The following URI1 variants were observed in gnomAD, a reference collection of about 807,000 sequenced individuals.
URI1 encodes the protein URI1 prefoldin like chaperone.
In URI1, 39 loss-of-function variants were observed where a neutral mutation model predicts 60.2. The ratio of observed to expected loss-of-function variants is 0.65; its 90% confidence interval spans 0.50 to 0.85. The LOEUF (loss-of-function observed/expected upper bound fraction) is 0.85. Among genes scored for constraint, URI1 ranks in the 40% least tolerant of loss-of-function variants. The pLI, the probability that URI1 is intolerant of heterozygous loss-of-function variation, is 0.00. For synonymous variants in URI1, 251 were observed against 236.8 expected, an observed-to-expected ratio of 1.06 and a Z score of -0.55; for missense variants, 691 against 665.9, an observed-to-expected ratio of 1.04 and a Z score of -0.42.
chr19:29,964,576 T>C (rs1050211708), intron 1 of URI1, among the ~76,000 whole-genome samples: 8 of 149,718 alleles, frequency 5.3e-5, no homozygotes, highest in African/African-American at 2.0e-4. Flanking sequence ...TTTTCCTGCC[T>C]CAGCCTCCTG....
At chr19:29,997,647 G>A (rs555784973) in intron 4 of URI1, among the ~76,000 whole-genome samples, 2 of 151,940 alleles carry the variant, frequency 1.3e-5, no homozygotes, top group South Asian at 4.2e-4. Flanking sequence ...TTACTGATTT[G>A]AAGTATTTCT....
rs2055095747 is a variant in URI1, at chr19:29,945,801, C to A, written c.117+3137C>A. Among the ~76,000 whole-genome samples, 3 of 151,592 alleles carry A rather than the reference C, an allele frequency of 2.0e-5. No homozygotes were observed. In the South Asian group the frequency reaches 6.2e-4, roughly 32 times the overall value. ...TTACACATTTTACATAGGAAAACACCATTGTTTTAAAAGTACACAATTTTA... is the reference window on the plus strand; with the variant it reads ...TTACACATTTTACATAGGAAAACACAATTGTTTTAAAAGTACACAATTTTA... On this transcript the variant is annotated intron_variant, in intron 1 of 10. Transcript: ENST00000392271.
At chr19:30,010,613 G>C (rs576858090) in intron 8 of URI1, among the ~76,000 whole-genome samples, 1 of 152,256 alleles carries the variant, frequency 6.6e-6, no homozygotes, top group East Asian at 1.9e-4. Context: ...ACCCTGAACA[G>C]GCTTGGTTTT....
At chr19:29,988,501 C>T (rs527290846) in intron 4 of URI1, among the ~76,000 whole-genome samples, 36 of 152,186 alleles carry the variant, frequency 2.4e-4, no homozygotes, top group Non-Finnish European at 4.6e-4. Context: ...TCACACCCTA[C>T]GGCTGCCTAC....
At chr19:29,927,083 C>T (rs1308411783) in intron 1 of URI1, among the ~76,000 whole-genome samples, 2 of 152,074 alleles carry the variant, frequency 1.3e-5, no homozygotes, top group Admixed American at 6.6e-5. Context: ...GCAGGGAGAC[C>T]CTGCAGAGGC....
At chr19:29,957,522 A>G (rs1382210716) in intron 1 of URI1, among the ~76,000 whole-genome samples, 3 of 151,400 alleles carry the variant, frequency 2.0e-5, no homozygotes, top group African/African-American at 7.3e-5. Context: ...CCAGTATCAC[A>G]CTCTTACTAT....
At chr19:29,962,783 C>T (rs763015990) in intron 1 of URI1, among the ~76,000 whole-genome samples, 50 of 151,696 alleles carry the variant, frequency 3.3e-4, no homozygotes, top group Admixed American at 2.6e-3. Flanking sequence ...TTTAATAAAC[C>T]GTATTTCTTT....
chr19:29,944,059 A>T (rs2055065937), intron 1 of URI1, among the ~76,000 whole-genome samples: 1 of 145,754 alleles, frequency 6.9e-6, no homozygotes, highest in Non-Finnish European at 1.5e-5. Context: ...GGATCACTTG[A>T]GCTCAGGCGT....
intron 4 of URI1, among the ~76,000 whole-genome samples, chr19:29,990,619 A>T (rs1217548741): frequency 6.6e-6 from 1 of 152,244 alleles, no homozygotes. Flanking sequence ...CAGTCACAAA[A>T]GACCATATAT....
chr19:29,980,704 C>G (rs2055585042), intron 2 of URI1, among the ~76,000 whole-genome samples: 1 of 145,298 alleles, frequency 6.9e-6, no homozygotes, highest in Non-Finnish European at 1.5e-5. Context: ...GCGGGTAGAT[C>G]ACAAGGTCAG....
At chr19:30,003,792 C>CTG (rs2145427136) in intron 4 of URI1, among the ~76,000 whole-genome samples, 1 of 152,074 alleles carries the variant, frequency 6.6e-6, no homozygotes, top group African/African-American at 2.4e-5. Flanking sequence ...CTTAGCTTAC[C>CTG]TACCTGCCAT....
At chr19:29,983,366 AAT>A in intron 2 of URI1, 3 of 152,290 alleles carry the variant, frequency 2.0e-5, no homozygotes, top group Middle Eastern at 6.8e-3. Context: ...TATGTAAAAT[AAT>A]ATATATGTGA....
chr19:30,014,971 A>G lies in URI1; in HGVS notation c.1510A>G (p.Thr504Ala). ...AGCCATTGCTCATCCCGCACTACCC[A>G]CTATTCCAGAACGAAAGGAAGTTCT... ...PPAIAHPALP[T>A]IPERKEVLLE... Residue 504 changes from threonine to alanine, a missense_variant, in exon 11 of 11, where the codon ACT becomes GCT. Thr to Ala is a moderately conservative substitution (Grantham distance 58, BLOSUM62 0). Coordinates refer to ENST00000392271, the MANE Select transcript of URI1 (RefSeq NM_003796.3). 6.2e-7 allele frequency: 1 copy of G among 1,613,850 alleles called. No individual in the cohort carries two copies. Among genetic ancestry groups the G allele is most frequent in the South Asian group, 1.1e-5 (1 of 91,054 alleles).
chr19:29,968,565 CTTTTTTTTTTTTTTT>C (rs35475321), intron 1 of URI1, among the ~76,000 whole-genome samples: 9 of 74,402 alleles, frequency 1.2e-4, no homozygotes, highest in Middle Eastern at 0.012. Flanking sequence ...CTAATTTTTT[CTTTTTTTTTTTTTTT>C]TTTTTTTTTG....
chr19:29,959,189 A>G (rs933258510), intron 1 of URI1, among the ~76,000 whole-genome samples: 8 of 152,078 alleles, frequency 5.3e-5, no homozygotes, highest in African/African-American at 1.9e-4. Context: ...GCAGTGGCCA[A>G]TCCTGGCTCA....
rs2056034287 is a variant in URI1, at chr19:30,012,437, A to G, written c.1331A>G (p.Glu444Gly). The G allele has an allele frequency of 1.9e-6, 3 of 1,614,090 alleles. No homozygotes were observed. Among genetic ancestry groups the G allele is most frequent in the African/African-American group, 1.3e-5 (1 of 74,930 alleles). Residue 444 changes from glutamate to glycine, a missense_variant, in exon 10 of 11, where the codon GAA (glutamate) becomes GGA (glycine). Glu to Gly is a moderately conservative substitution (Grantham distance 98, BLOSUM62 -2). Transcript: ENST00000392271. ...RRGVLRSISC[E>G]EATCSDTSES... The stretch of plus-strand genomic sequence containing the variant: ...GGAGTTTTGAGGAGTATCAGCTGCG[A>G]AGAAGCCACTTGCAGTGACACCAGT...
chr19:29,973,015 G>T (rs1018370871), intron 2 of URI1, among the ~76,000 whole-genome samples: 2 of 152,108 alleles, frequency 1.3e-5, no homozygotes, highest in African/African-American at 2.4e-5. Flanking sequence ...TTTTAATGAA[G>T]ATCTATACAT....
chr19:29,946,455 G>A (rs961930448), intron 1 of URI1, among the ~76,000 whole-genome samples: 5 of 152,244 alleles, frequency 3.3e-5, no homozygotes, highest in African/African-American at 1.2e-4. Flanking sequence ...ATTTTAAAAA[G>A]TGGTGGATCC....
chr19:29,926,815 C>G (rs777435398), intron 1 of URI1, among the ~76,000 whole-genome samples: 1 of 152,170 alleles, frequency 6.6e-6, no homozygotes, highest in African/African-American at 2.4e-5. Flanking sequence ...GGGTCAGGTC[C>G]TGAAGGAGGA....
Sources: allele counts gnomAD v4.1 joint callset (sites outside exome capture counted in the v4.1 genomes callset), GRCh38; gene constraint gnomAD v4.1.1; transcripts MANE v1.5; gene names NCBI Gene and HGNC (gene_info 2026-07-23, HGNC 2026-07-21).